KLF12: variants seen among roughly 807,000 people sequenced by gnomAD.
The protein encoded by KLF12 is KLF transcription factor 12.
KLF12 carries 9 observed loss-of-function variants against 37.8 expected under a neutral mutation model. The observed-to-expected ratio is 0.24, with a 90% CI of 0.14 to 0.42. The LOEUF (loss-of-function observed/expected upper bound fraction) is 0.42, where lower values mean the gene tolerates loss of function less well. Ranked by LOEUF, KLF12 falls within the 10% of genes least tolerant of loss-of-function variation. The probability of loss-of-function intolerance (pLI) is 1.00; values close to 1 mark genes in which losing one functional copy is unlikely to be tolerated. For synonymous variants in KLF12, 208 were observed against 202.1 expected (o/e 1.03, Z -0.25); for missense variants, 411 against 516.0 (o/e 0.80, Z 1.97).
At chr13:74,047,874 G>A (rs1230125800) in intron 1 of KLF12, among the ~76,000 whole-genome samples, 1 of 152,182 alleles carries the variant, frequency 6.6e-6, no homozygotes, top group Non-Finnish European at 1.5e-5. Context: ...GGCTGCAAGT[G>A]TCAGCAAACT....
intron 1 of KLF12, among the ~76,000 whole-genome samples, chr13:74,051,389 G>A (rs867700551): frequency 1.4e-5 from 2 of 139,732 alleles, no homozygotes; most frequent in African/African-American, 2.6e-5. Flanking sequence ...GTGGAATTCC[G>A]CTACCAACTC....
rs1334462239 is a variant in KLF12 at position 73,695,350 on chromosome 13, T to G, written c.*140A>C. The G allele has an allele frequency of 1.2e-6, 1 of 814,394 alleles. No individual in the cohort carries two copies. The highest frequency in any genetic ancestry group is 2.6e-5 in the East Asian group (1 of 38,170). The allele number at this position is 814,394 out of a possible 1,614,324, so 50.4% of individuals were successfully genotyped here. A position where few individuals can be genotyped will look rare whatever the true frequency, so the allele number is the denominator to read the frequency against. On this transcript the variant is annotated 3_prime_UTR_variant, in exon 8 of 8. Transcript: ENST00000377669. ...ACCTTCAGACCAAAAGAAGTGTGCC[T>G]TCTTTTTCCTGCTCTGGTTTCAGAC...
chr13:74,081,864 T>C (rs1359962396), intron 1 of KLF12, among the ~76,000 whole-genome samples: 3 of 152,116 alleles, frequency 2.0e-5, no homozygotes, highest in Non-Finnish European at 2.9e-5. Flanking sequence ...ACAACTATAG[T>C]GTCTCATGTT....
intron 1 of KLF12, among the ~76,000 whole-genome samples, chr13:74,051,674 G>C (rs1242343753): frequency 6.6e-6 from 1 of 152,004 alleles, no homozygotes; most frequent in African/African-American, 2.4e-5. Flanking sequence ...CCTAAAAAAA[G>C]AGAAAGGGGG....
chr13:73,701,156 T>C (rs558837047), intron 7 of KLF12, among the ~76,000 whole-genome samples: 100 of 152,024 alleles, frequency 6.6e-4, no homozygotes, highest in Middle Eastern at 3.4e-3. Context: ...ATGAAAAGAG[T>C]TGGCTGGGAC....
chr13:74,036,148 G>A (rs1051243203), intron 1 of KLF12, among the ~76,000 whole-genome samples: 4 of 152,060 alleles, frequency 2.6e-5, no homozygotes, highest in African/African-American at 9.7e-5. Context: ...CACTCTCTAA[G>A]TCTTCACAGA....
intron 1 of KLF12, among the ~76,000 whole-genome samples, chr13:74,046,423 T>A (rs923865971): frequency 6.6e-6 from 1 of 152,004 alleles, no homozygotes. Flanking sequence ...CACTTAAAAA[T>A]TTAAAATAAA....
chr13:74,200,211 G>A, the KLF12 span, among the ~76,000 whole-genome samples: 1 of 151,928 alleles, frequency 6.6e-6, no homozygotes. Flanking sequence ...TTCCTGAGAA[G>A]GCCTAATTGG....
intron 1 of KLF12, among the ~76,000 whole-genome samples, chr13:74,132,786 C>T (rs1878333107): frequency 6.6e-6 from 1 of 152,118 alleles, no homozygotes; most frequent in Non-Finnish European, 1.5e-5. Flanking sequence ...AAATGCACTG[C>T]GAAACAAAAC....
chr13:74,088,608 A>G (rs1875463070), intron 1 of KLF12, among the ~76,000 whole-genome samples: 1 of 152,198 alleles, frequency 6.6e-6, no homozygotes, highest in East Asian at 1.9e-4. Context: ...TGGTCATCAC[A>G]TGGTACTCTG....
intron 3 of KLF12, among the ~76,000 whole-genome samples, chr13:73,932,638 C>T (rs148613436): frequency 1.3e-5 from 2 of 152,098 alleles, no homozygotes; most frequent in East Asian, 3.9e-4. Context: ...TAGAATTTTG[C>T]CCATGTGGTG....
At chr13:73,813,331 G>A in intron 4 of KLF12, 44 bp from the exon 5 acceptor site, 1 of 1,609,150 alleles carries the variant, frequency 6.2e-7, no homozygotes, top group South Asian at 1.1e-5. Context: ...TCAGTGCGCA[G>A]AAAGTTAACC....
chr13:73,890,759 A>G (rs142558661), intron 3 of KLF12, among the ~76,000 whole-genome samples: 371 of 152,136 alleles, frequency 2.4e-3, no homozygotes, highest in African/African-American at 8.0e-3. Context: ...GAGTCTGGGT[A>G]ATAAGTCTCC....
chr13:74,172,230 C>T, the KLF12 span, among the ~76,000 whole-genome samples: 1 of 151,234 alleles, frequency 6.6e-6, no homozygotes, highest in Admixed American at 6.6e-5. Context: ...GTACATTTAT[C>T]AGATATCAAC....
chr13:74,051,532 T>G (rs1872926907), intron 1 of KLF12, among the ~76,000 whole-genome samples: 1 of 151,794 alleles, frequency 6.6e-6, no homozygotes, highest in African/African-American at 2.4e-5. Context: ...GTAAAATGAG[T>G]GAAACAGCAG....
intron 1 of KLF12, among the ~76,000 whole-genome samples, chr13:74,040,343 C>T (rs1289543762): frequency 1.3e-5 from 2 of 152,272 alleles, no homozygotes; most frequent in South Asian, 2.1e-4. Context: ...AAAGTGTGCT[C>T]GTGCTGCTGG....
intron 6 of KLF12, among the ~76,000 whole-genome samples, chr13:73,764,508 C>T (rs935452400): frequency 6.7e-6 from 1 of 150,088 alleles, no homozygotes; most frequent in Non-Finnish European, 1.5e-5. Flanking sequence ...ATATTTAAGG[C>T]TATGGCAAGG....
At chr13:74,021,085 T>C (rs1211810251) in intron 1 of KLF12, among the ~76,000 whole-genome samples, 16 of 152,050 alleles carry the variant, frequency 1.1e-4, no homozygotes, top group Non-Finnish European at 2.2e-4. Context: ...GTAAAGACGG[T>C]GAAAAGGTGG....
intron 6 of KLF12, among the ~76,000 whole-genome samples, chr13:73,747,320 T>C (rs552474104): frequency 6.6e-6 from 1 of 152,272 alleles, no homozygotes; most frequent in Non-Finnish European, 1.5e-5. Flanking sequence ...GTGAGTGTTT[T>C]AGCTACGGAG....
Sources: gnomAD v4.1 joint callset for allele counts (sites outside exome capture counted in the v4.1 genomes callset) on GRCh38, gnomAD v4.1.1 for gene constraint, MANE v1.5 for transcripts, NCBI Gene and HGNC (gene_info 2026-07-23, HGNC 2026-07-21) for gene names.